Variants in THOC3 observed in about 807,000 individuals in gnomAD.
THOC3 encodes TEX1 homolog.
Under a neutral mutation model 23.3 loss-of-function variants are expected in THOC3, and 4 were observed. The observed-to-expected ratio is 0.17, with a 90% CI of 0.08 to 0.39. The LOEUF is 0.39. Among genes scored for constraint, THOC3 ranks in the 10% least tolerant of loss-of-function variants. THOC3 has a pLI of 1.00. For synonymous variants in THOC3, 27 were observed against 141.5 expected, an observed-to-expected ratio of 0.19 and a Z score of 5.74; for missense variants, 64 against 359.4, an observed-to-expected ratio of 0.18 and a Z score of 6.65.
chr5:175,965,220 A>G, intron 2 of THOC3, 65 bp from the exon 3 acceptor site: 1 of 1,608,388 alleles, frequency 6.2e-7, no homozygotes, highest in Non-Finnish European at 8.5e-7. Flanking sequence ...AGTTTATTGC[A>G]CTATCCTAGA....
rs1184851852 is a variant in THOC3 at position 175,968,103 on chromosome 5, G to A, written c.106C>T (p.Leu36Phe). The change falls in exon 1 of 6, where the codon CTT becomes TTT. Residue 36 changes from leucine (L) to phenylalanine (F), a missense_variant. By Grantham distance (22) the Leu-to-Phe change is conservative (BLOSUM62 0). Coordinates refer to ENST00000265097, the MANE Select transcript of THOC3 (RefSeq NM_032361.4). ...CCCCGGAACAGCTCCTGCATCCCAAGCACGTAGCGCGACGGGCCGCTGCTC... is the reference window on the plus strand; with the variant it reads ...CCCCGGAACAGCTCCTGCATCCCAAACACGTAGCGCGACGGGCCGCTGCTC... ...SVSSGPSRYV[L>F]GMQELFRGHS... 6.2e-7 allele frequency: 1 copy of A among 1,610,160 alleles called. No homozygotes were observed. Among genetic ancestry groups the A allele is most frequent in the Non-Finnish European group, 8.5e-7 (1 of 1,179,042 alleles).
intron 3 of THOC3, among the ~76,000 whole-genome samples, chr5:175,964,094 T>C (rs551671806): frequency 2.1e-3 from 315 of 152,256 alleles, no homozygotes; most frequent in African/African-American, 6.7e-3. Context: ...GTTTCATTCA[T>C]TTACAGAACA....
intron 2 of THOC3, among the ~76,000 whole-genome samples, chr5:175,965,616 G>A (rs1397466716): frequency 6.6e-5 from 10 of 152,170 alleles, no homozygotes; most frequent in Non-Finnish European, 1.0e-4. Context: ...TAGTAGAGAC[G>A]GGGTTTCACC....
chr5:175,963,302 G>C (rs1343363397), intron 3 of THOC3, among the ~76,000 whole-genome samples: 1 of 151,962 alleles, frequency 6.6e-6, no homozygotes, highest in Non-Finnish European at 1.5e-5. Flanking sequence ...TTAACAGTCT[G>C]GTTTTTCAAC....
At chr5:175,961,708 T>G (rs1290581609) in intron 3 of THOC3, among the ~76,000 whole-genome samples, 2 of 152,204 alleles carry the variant, frequency 1.3e-5, no homozygotes, top group African/African-American at 4.8e-5. Flanking sequence ...TTGGGCTTTC[T>G]GACAGCAACA....
intron 2 of THOC3, among the ~76,000 whole-genome samples, chr5:175,966,124 G>A (rs1310251461): frequency 6.6e-6 from 1 of 150,590 alleles, no homozygotes; most frequent in East Asian, 1.9e-4. Context: ...AGGCTGCAGG[G>A]AGCCAATATT....
chr5:175,960,585 ATC>A (rs1410373492), intron 5 of THOC3: 1 of 119,608 alleles, frequency 8.4e-6, no homozygotes, highest in Non-Finnish European at 1.7e-5. Flanking sequence ...TAAAAAACAA[ATC>A]TGAGGAAATT....
intron 5 of THOC3, chr5:175,960,787 C>CT: frequency 3.7e-6 from 2 of 542,608 alleles, no homozygotes; most frequent in Non-Finnish European, 6.5e-6. Flanking sequence ...CCAAGTGGTG[C>CT]TTTTTTCTTC....
At chr5:175,966,186 AAAAAT>A (rs1267585302) in intron 2 of THOC3, among the ~76,000 whole-genome samples, 1 of 151,908 alleles carries the variant, frequency 6.6e-6, no homozygotes, top group Non-Finnish European at 1.5e-5. Context: ...TCTCAAAAAT[AAAAAT>A]AAAATAAAAT....
intron 3 of THOC3, among the ~76,000 whole-genome samples, chr5:175,963,446 A>G (rs1756704730): frequency 6.6e-6 from 1 of 151,546 alleles, no homozygotes; most frequent in African/African-American, 2.4e-5. Context: ...AAGAAACACT[A>G]TAAAAGTCAG....
At chr5:175,960,508 GTT>G (rs1456430066) in intron 5 of THOC3, 1 of 208,908 alleles carries the variant, frequency 4.8e-6, no homozygotes, top group Non-Finnish European at 9.7e-6. Context: ...CCTCTTCGAA[GTT>G]TTCTATACAG....
chr5:175,965,414 G>A, intron 2 of THOC3: 4 of 550,220 alleles, frequency 7.3e-6, no homozygotes, highest in South Asian at 2.4e-5. Flanking sequence ...AGATTTTATA[G>A]ATGAAGGAAA....
intron 3 of THOC3, among the ~76,000 whole-genome samples, chr5:175,962,804 C>A (rs1415624932): frequency 6.7e-6 from 1 of 149,030 alleles, no homozygotes; most frequent in African/African-American, 2.5e-5. Context: ...CGTGAGCCAC[C>A]GCACCCAGCC....
At chr5:175,965,196 C>T (rs781737793) in intron 2 of THOC3, 41 bp from the exon 3 acceptor site, 2 of 1,612,470 alleles carry the variant, frequency 1.2e-6, no homozygotes, top group Non-Finnish European at 1.7e-6. Flanking sequence ...TCTGTTTGCT[C>T]ATAATCTTCC....
intron 3 of THOC3, among the ~76,000 whole-genome samples, chr5:175,964,541 C>G (rs1321219437): frequency 6.6e-6 from 1 of 151,398 alleles, no homozygotes; most frequent in Non-Finnish European, 1.5e-5. Flanking sequence ...CGCTTAACCT[C>G]GGAGGCAGAG....
chr5:175,962,417 TATATAC>T lies in THOC3; in HGVS notation c.630-989_630-984del, dbSNP rs1323245374. Among the ~76,000 whole-genome samples the T allele has an allele frequency of 7.8e-4, 33 of 42,566 alleles. 1 individual carries two copies. Among genetic ancestry groups the T allele is most frequent in the Non-Finnish European group, 1.1e-3 (20 of 18,598 alleles). The allele number at this position is 42,566 out of a possible 152,430, so 27.9% of individuals were successfully genotyped here. A position where few individuals can be genotyped will look rare whatever the true frequency, so the allele number is the denominator to read the frequency against. On this transcript the variant is annotated intron_variant, in intron 3 of 5. Coordinates refer to ENST00000265097, the MANE Select transcript of THOC3 (RefSeq NM_032361.4). ...GGTATTTTATCTTTAAATATATATA[TATATAC>T]ACACACACACACACACACACGTAAT...
intron 3 of THOC3, among the ~76,000 whole-genome samples, chr5:175,961,902 C>T (rs943798140): frequency 2.6e-5 from 4 of 151,640 alleles, no homozygotes; most frequent in African/African-American, 9.7e-5. Context: ...ATAAAAACTC[C>T]AGGAATAATG....
chr5:175,962,259 A>G (rs2113051436), intron 3 of THOC3, among the ~76,000 whole-genome samples: 1 of 145,764 alleles, frequency 6.9e-6, no homozygotes, highest in Non-Finnish European at 1.5e-5. Context: ...TTCTAATTCT[A>G]TGATCCCCTG....
intron 3 of THOC3, among the ~76,000 whole-genome samples, chr5:175,964,658 AG>A (rs1756731058): frequency 1.3e-5 from 1 of 79,348 alleles, no homozygotes; most frequent in Non-Finnish European, 2.7e-5. Context: ...CCATAATTCA[AG>A]GTGCATCCAG....
Sources: gnomAD v4.1 joint callset for allele counts (sites outside exome capture counted in the v4.1 genomes callset) on GRCh38, gnomAD v4.1.1 for gene constraint, MANE v1.5 for transcripts, NCBI Gene and HGNC (gene_info 2026-07-23, HGNC 2026-07-21) for gene names.